Variants in WWP1 observed in about 807,000 individuals in gnomAD.
WWP1 encodes the protein NEDD4-like E3 ubiquitin-protein ligase WWP1.
Under a neutral mutation model 130.6 loss-of-function variants are expected in WWP1, and 49 were observed. The ratio of observed to expected loss-of-function variants is 0.38; its 90% CI spans 0.30 to 0.48. The LOEUF is 0.48. Ranked by LOEUF, WWP1 falls within the 20% of genes least tolerant of loss-of-function variation. WWP1 has a pLI of 0.99. For missense variants in WWP1, 809 were observed against 1,100.6 expected, an observed-to-expected ratio of 0.74 and a Z score of 3.75; for synonymous variants, 332 against 367.8, an observed-to-expected ratio of 0.90 and a Z score of 1.11.
At position 86,425,200 on chromosome 8, in the gene WWP1, TTATTTTTG is replaced by T. The variant is rs763144832; in HGVS notation, c.1062-15_1062-8del. Reference sequence around the variant, plus strand: ...TGTCCTAGTGTGTTGTCTCTTACTGTTATTTTTGTATTTTTATTAAAGGTGGGAACAAA... The same window carrying T: ...TGTCCTAGTGTGTTGTCTCTTACTGTTATTTTTATTAAAGGTGGGAACAAA... On this transcript the variant is annotated splice_polypyrimidine_tract_variant and intron_variant, in intron 9 of 24. Coordinates refer to ENST00000517970, the MANE Select transcript of WWP1 (RefSeq NM_007013.4). The T allele has an allele frequency of 1.9e-6, 3 of 1,588,554 alleles. No homozygotes were observed. The highest frequency in any genetic ancestry group is 1.7e-6 in the Non-Finnish European group (2 of 1,166,858).
rs777758049 is a variant in WWP1 at position 86,431,740 on chromosome 8, C to G, written c.1598C>G (p.Ser533Cys). 1.2e-6 allele frequency: 2 copies of G among 1,613,762 alleles called. No homozygotes were observed. The highest frequency in any genetic ancestry group is 1.7e-6 in the Non-Finnish European group (2 of 1,179,818). Residue 533 changes from serine (S) to cysteine (C), a missense_variant, in exon 14 of 25, where the codon TCT becomes TGT. Physicochemically the swap from Ser to Cys is moderately radical, Grantham distance 112. Around this residue, in one of 3 missense-constraint regions of WWP1, gnomAD observed 450 missense variants for 674.2 expected, o/e 0.67. Coordinates refer to ENST00000517970, the MANE Select transcript of WWP1 (RefSeq NM_007013.4). ...AAAGATCCTCGCAATGGGAAGTCAT[C>G]TGTGTGAGTGAAAACCTGAAGTTCT... Reference protein sequence around the residue: ...TFKDPRNGKSSVTKGGPQIAY... With the variant: ...TFKDPRNGKSCVTKGGPQIAY...
Position 86,407,564 on chromosome 8 carries a change from G to A in WWP1, c.725-3974G>A, listed in dbSNP as rs150181806. 2.8e-4 allele frequency among the ~76,000 whole-genome samples: 43 copies of A among 152,238 alleles called. 1 individual carries two copies. Among genetic ancestry groups the A allele is most frequent in the African/African-American group, 9.9e-4 (41 of 41,530 alleles). On this transcript the variant is annotated intron_variant, in intron 8 of 24. Transcript: ENST00000517970. ...CATTACTAAATGTCTTTGGCGGTGGGGAGAGCAGAATCTTCCCTAGTCAAG... is the reference window on the plus strand; with the variant it reads ...CATTACTAAATGTCTTTGGCGGTGGAGAGAGCAGAATCTTCCCTAGTCAAG...
intron 23 of WWP1, 54 bp downstream of exon 23, chr8:86,461,374 C>G: frequency 7.0e-7 from 1 of 1,429,502 alleles, no homozygotes; most frequent in South Asian, 1.1e-5. Flanking sequence ...ATAATAATGG[C>G]CTTTGGACAT....
At chr8:86,439,766 C>T (rs1025524504) in intron 17 of WWP1, among the ~76,000 whole-genome samples, 1 of 152,102 alleles carries the variant, frequency 6.6e-6, no homozygotes, top group East Asian at 1.9e-4. Context: ...TGTTCTGCCC[C>T]AGCCTAATTT....
At chr8:86,372,054 C>T (rs1246780842) in intron 2 of WWP1, among the ~76,000 whole-genome samples, 15 of 103,482 alleles carry the variant, frequency 1.4e-4, no homozygotes, top group Admixed American at 4.9e-4. Context: ...GACGGAGTTT[C>T]GCTCTGTCGC....
intron 21 of WWP1, among the ~76,000 whole-genome samples, chr8:86,454,392 A>G (rs1185391815): frequency 1.3e-5 from 2 of 152,036 alleles, no homozygotes. Context: ...TGGAAAGCCG[A>G]TATATATGAA....
intron 16 of WWP1, 92 bp downstream of exon 16, chr8:86,435,796 C>A: frequency 8.3e-7 from 1 of 1,199,082 alleles, no homozygotes; most frequent in East Asian, 2.4e-5. Context: ...TTTTAAACCA[C>A]CCAGAACACA....
chr8:86,430,798 C>CATTTATATATATAT (rs1809900488), intron 12 of WWP1, 47 bp downstream of exon 12: 1 of 169,660 alleles, frequency 5.9e-6, no homozygotes, highest in Non-Finnish European at 1.0e-5. Context: ...TATATCTCTC[C>CATTTATATATATAT]ATATATATAT....
At position 86,446,272 on chromosome 8, in the gene WWP1, G is replaced by A. The variant is rs1455542725; in HGVS notation, c.1999-1876G>A. ...GCTGGGATTACAGGCGTGAGCCACT[G>A]CGCCCAGCAGCTGCTTATGTATCTT... On this transcript the variant is annotated intron_variant, in intron 18 of 24. Coordinates refer to ENST00000517970, the MANE Select transcript of WWP1 (RefSeq NM_007013.4). 9.2e-5 allele frequency among the ~76,000 whole-genome samples: 14 copies of A among 152,024 alleles called. 1 individual carries two copies. Among genetic ancestry groups the A allele is most frequent in the Admixed American group, 8.5e-4 (13 of 15,262 alleles).
chr8:86,363,517 A>G (rs866771361), intron 1 of WWP1, among the ~76,000 whole-genome samples: 5 of 151,938 alleles, frequency 3.3e-5, no homozygotes, highest in East Asian at 1.9e-4. Flanking sequence ...TTATATGTCT[A>G]TGGGCCGAGC....
intron 7 of WWP1, 49 bp from the exon 8 acceptor site, chr8:86,401,970 G>C (rs956649778): frequency 2.1e-6 from 3 of 1,407,028 alleles, no homozygotes; most frequent in Non-Finnish European, 2.8e-6. Context: ...CTCATGAAAT[G>C]TTGTTGAATT....
Position 86,368,953 on chromosome 8 carries a change from A to T in WWP1, c.-100A>T, listed in dbSNP as rs770055948. On this transcript the variant is annotated 5_prime_UTR_variant, in exon 2 of 25. Coordinates refer to ENST00000517970, the MANE Select transcript of WWP1 (RefSeq NM_007013.4). The stretch of plus-strand genomic sequence containing the variant: ...TTTGTTTACAGGGTTGTCTCCTCAC[A>T]GACTATGAGCTCCTTGAAAGAGGGA... 6 of 152,216 alleles carry T rather than the reference A, an allele frequency of 3.9e-5. No homozygotes were observed. Among genetic ancestry groups the T allele is most frequent in the Admixed American group, 1.3e-4 (2 of 15,276 alleles). 9.4% of individuals were successfully genotyped at this position (152,216 alleles called of 1,614,324 possible).
At chr8:86,369,113 C>T (rs1172899021) in intron 2 of WWP1, 82 bp downstream of exon 2, 1 of 152,036 alleles carries the variant, frequency 6.6e-6, no homozygotes, top group East Asian at 1.9e-4. Flanking sequence ...ATTATGTAGA[C>T]CTAGTAATAC....
chr8:86,449,016 T>G (rs1811036521), intron 20 of WWP1, among the ~76,000 whole-genome samples: 1 of 152,028 alleles, frequency 6.6e-6, no homozygotes, highest in Non-Finnish European at 1.5e-5. Flanking sequence ...AATTTTTTTT[T>G]TTTTGTAAAG....
At chr8:86,391,568 G>A (rs1299195459) in intron 5 of WWP1, among the ~76,000 whole-genome samples, 2 of 152,004 alleles carry the variant, frequency 1.3e-5, no homozygotes, top group African/African-American at 4.8e-5. Context: ...GTTTAGAGTA[G>A]TCAGAACATA....
chr8:86,373,852 C>A (rs1034484309), intron 2 of WWP1, among the ~76,000 whole-genome samples, 178 bp from the exon 3 acceptor site: 5 of 152,078 alleles, frequency 3.3e-5, no homozygotes, highest in African/African-American at 9.7e-5. Context: ...TACTACTCAC[C>A]ATTTTTTCTG....
intron 18 of WWP1, among the ~76,000 whole-genome samples, 177 bp from the exon 19 acceptor site, chr8:86,447,971 T>C (rs1810974825): frequency 6.6e-6 from 1 of 152,198 alleles, no homozygotes; most frequent in East Asian, 1.9e-4. Flanking sequence ...TAGATTGTTT[T>C]AACTTTGTTT....
At chr8:86,401,654 GATTA>G (rs1348248982) in intron 7 of WWP1, among the ~76,000 whole-genome samples, 3 of 151,816 alleles carry the variant, frequency 2.0e-5, no homozygotes, top group Non-Finnish European at 4.4e-5. Context: ...TTTTAAAATA[GATTA>G]ATATTAGGCT....
chr8:86,412,429 C>A (rs1055887656), intron 9 of WWP1, among the ~76,000 whole-genome samples: 9 of 152,084 alleles, frequency 5.9e-5, no homozygotes, highest in Non-Finnish European at 2.9e-5. Context: ...GTATTCCATT[C>A]GGTAATTTCT....
Sources: gnomAD v4.1 joint callset for allele counts (sites outside exome capture counted in the v4.1 genomes callset) on GRCh38, gnomAD v4.1.1 for gene constraint, gnomAD v4.1.1 regional missense constraint, MANE v1.5 for transcripts, NCBI Gene and HGNC (gene_info 2026-07-23, HGNC 2026-07-21) for gene names.